HACE1: variants seen among roughly 807,000 people sequenced by gnomAD.
HACE1 encodes E3 ubiquitin-protein ligase HACE1.
HACE1 carries 73 observed loss-of-function variants against 118.4 expected under a neutral mutation model. The observed-to-expected ratio is 0.62, with a 90% CI of 0.51 to 0.75. HACE1 has a LOEUF of 0.75. Among genes scored for constraint, HACE1 ranks in the 30% least tolerant of loss-of-function variants. The pLI, the probability that HACE1 is intolerant of heterozygous loss-of-function variation, is 0.00. For synonymous variants in HACE1, 368 were observed against 374.8 expected (o/e 0.98, Z 0.21); for missense variants, 749 against 1,102.2 (o/e 0.68, Z 4.54).
intron 1 of HACE1, among the ~76,000 whole-genome samples, chr6:104,858,988 G>A (rs1372104350): frequency 6.6e-6 from 1 of 152,164 alleles, no homozygotes; most frequent in East Asian, 1.9e-4. Context: ...ATGAATAAAT[G>A]AAGAATGAAG....
chr6:104,776,908 T>C (rs1562345857), intron 16 of HACE1, 80 bp from the exon 17 acceptor site: 2 of 1,301,622 alleles, frequency 1.5e-6, no homozygotes. Context: ...AAAATTTAAA[T>C]ATAAAGTTTC....
At chr6:104,737,282 C>CA (rs59915070) in intron 22 of HACE1, among the ~76,000 whole-genome samples, 1,822 of 42,450 alleles carry the variant, frequency 0.043, 107 homozygotes, top group East Asian at 0.06. Context: ...GACTCTCTCT[C>CA]AAAAAAAAAA....
intron 22 of HACE1, among the ~76,000 whole-genome samples, chr6:104,736,209 C>T (rs945019218): frequency 6.6e-6 from 1 of 150,952 alleles, no homozygotes; most frequent in Non-Finnish European, 1.5e-5. Context: ...AAAACAAAAA[C>T]AAAAAAAAGT....
intron 6 of HACE1, among the ~76,000 whole-genome samples, chr6:104,828,060 G>A (rs184079205): frequency 2.0e-5 from 3 of 152,002 alleles, no homozygotes; most frequent in Admixed American, 2.0e-4. Flanking sequence ...CTAAATCCAC[G>A]TTATTCTGAG....
chr6:104,816,022 G>A (rs1402769292), intron 6 of HACE1, among the ~76,000 whole-genome samples: 2 of 151,310 alleles, frequency 1.3e-5, no homozygotes, highest in South Asian at 2.1e-4. Flanking sequence ...GCAGTGAGCC[G>A]AGATCACTGC....
Position 104,811,378 on chromosome 6 carries a change from GC to G in HACE1, c.549del (p.Leu183PhefsTer2), listed in dbSNP as rs775153789. 6.7e-7 allele frequency: 1 copy of G among 1,496,894 alleles called. No individual in the cohort carries two copies. The highest frequency in any genetic ancestry group is 2.3e-5 in the East Asian group (1 of 43,944). 92.7% of individuals were successfully genotyped at this position (1,496,894 alleles called of 1,614,324 possible). ...QNGHKTTVQC[L>X]LDSGADINRP... is the part of the protein sequence containing the mutation. ...CTGTTAATATCAGCACCACTGTCTA[GC>G]AAGCACTGCACTGTCTGAGGGGGAA... On this transcript the variant is annotated frameshift_variant, in exon 7 of 24. Transcript: ENST00000262903. LOFTEE classifies it high-confidence loss of function.
intron 1 of HACE1, 100 bp downstream of exon 1, chr6:104,859,466 CT>C: frequency 1.1e-6 from 1 of 911,082 alleles, no homozygotes; most frequent in South Asian, 1.7e-5. Context: ...GTTTTCTCAG[CT>C]TTCAGTTAGT....
chr6:104,730,352 T>C lies in HACE1; in HGVS notation c.2578A>G (p.Ile860Val), dbSNP rs758872457. ...TTTGGAGTATATGGCACAGCAGCGA[T>C]TGTAAAGTTTTGCAATCCACTTCCA... ...MGGSGLQNFT[I>V]AAVPYTPNLL... Residue 860 changes from isoleucine (I) to valine (V), a missense_variant, in exon 23 of 24, where the codon ATC becomes GTC. Ile to Val is a conservative substitution (Grantham distance 29). Coordinates refer to ENST00000262903, the MANE Select transcript of HACE1 (RefSeq NM_020771.4). 2.5e-6 allele frequency: 4 copies of C among 1,602,710 alleles called. No homozygotes were observed. The African/African-American group carries it at 4.0e-5, about 16-fold the overall frequency.
rs768144827 is a variant in HACE1, at chr6:104,784,490, G to T, written c.1410-5C>A. On this transcript the variant is annotated splice_region_variant and splice_polypyrimidine_tract_variant and intron_variant, in intron 12 of 23. Coordinates refer to ENST00000262903, the MANE Select transcript of HACE1 (RefSeq NM_020771.4). ...ATGAAACGAGGTGAAGTCATTCTGT[G>T]GGGGGAAAACATCAATCAGAATACA... is the stretch of plus-strand genomic sequence containing the variant. 10 of 1,602,946 alleles carry T rather than the reference G, an allele frequency of 6.2e-6. No individual in the cohort carries two copies. The highest frequency in any genetic ancestry group is 8.5e-6 in the Non-Finnish European group (10 of 1,170,124).
At chr6:104,783,310 T>C (rs1413653543) in intron 14 of HACE1, among the ~76,000 whole-genome samples, 2 of 152,226 alleles carry the variant, frequency 1.3e-5, no homozygotes, top group Non-Finnish European at 1.5e-5. Context: ...ATCCAGGTTA[T>C]GTTGTAGTTA....
At chr6:104,730,559 T>C (rs1775095441) in intron 22 of HACE1, 143 bp from the exon 23 acceptor site, 1 of 650,150 alleles carries the variant, frequency 1.5e-6, no homozygotes, top group African/African-American at 1.8e-5. Context: ...AAAACTCCAA[T>C]TCATTACTGT....
chr6:104,796,041 A>G (rs1769584229), intron 9 of HACE1, among the ~76,000 whole-genome samples: 1 of 152,224 alleles, frequency 6.6e-6, no homozygotes, highest in Non-Finnish European at 1.5e-5. Flanking sequence ...AGTGATTACC[A>G]ATCATAATGA....
chr6:104,796,009 C>T (rs747990032), intron 9 of HACE1, among the ~76,000 whole-genome samples: 4 of 152,334 alleles, frequency 2.6e-5, no homozygotes, highest in African/African-American at 4.8e-5. Flanking sequence ...AAAACTATCA[C>T]AAACACATAG....
At chr6:104,844,613 A>AGT (rs1306168226) in intron 4 of HACE1, among the ~76,000 whole-genome samples, 1 of 150,158 alleles carries the variant, frequency 6.7e-6, no homozygotes, top group East Asian at 2.0e-4. Context: ...AGCCTCCCAA[A>AGT]GTGCTGGGAT....
chr6:104,740,052 T>G (rs1034854672), intron 22 of HACE1, among the ~76,000 whole-genome samples: 5 of 151,982 alleles, frequency 3.3e-5, no homozygotes, highest in African/African-American at 7.3e-5. Flanking sequence ...CTGAACAAGC[T>G]GCTCCTGAAT....
rs1190501594 is a variant in HACE1 at position 104,815,012 on chromosome 6, C to G, written c.535-3619G>C. On this transcript the variant is annotated intron_variant, in intron 6 of 23. Coordinates refer to ENST00000262903, the MANE Select transcript of HACE1 (RefSeq NM_020771.4). ...AATTGACTAATATAGAAAATCAGTA[C>G]CAGGAGTGGGACACTCCTATAAAGA... Among the ~76,000 whole-genome samples, 2 of 138,080 alleles carry G rather than the reference C, an allele frequency of 1.4e-5. 1 individual carries two copies. The highest frequency in any genetic ancestry group is 3.1e-5 in the Non-Finnish European group (2 of 64,348). The allele number at this position is 138,080 out of a possible 152,430, so 90.6% of individuals were successfully genotyped here.
At chr6:104,752,085 C>T (rs1778119846) in intron 19 of HACE1, among the ~76,000 whole-genome samples, 1 of 152,078 alleles carries the variant, frequency 6.6e-6, no homozygotes, top group East Asian at 1.9e-4. Flanking sequence ...CCATACAGCT[C>T]TCCCGAAACC....
chr6:104,817,171 A>G (rs932137998), intron 6 of HACE1, among the ~76,000 whole-genome samples: 6 of 152,142 alleles, frequency 3.9e-5, no homozygotes, highest in African/African-American at 1.4e-4. Context: ...AGAAGGGATA[A>G]TTGTATTTTC....
At chr6:104,775,947 G>A (rs184857445) in intron 17 of HACE1, among the ~76,000 whole-genome samples, 70 of 152,306 alleles carry the variant, frequency 4.6e-4, no homozygotes, top group African/African-American at 1.6e-3. Context: ...AAAAACAAGC[G>A]ACTGTGCAAA....
Sources: gnomAD v4.1 joint callset for allele counts (sites outside exome capture counted in the v4.1 genomes callset) on GRCh38, gnomAD v4.1.1 for gene constraint, MANE v1.5 for transcripts, NCBI Gene and HGNC (gene_info 2026-07-23, HGNC 2026-07-21) for gene names.